Variants in RPP30 observed in about 807,000 individuals in gnomAD.
RPP30 encodes ribonuclease P protein subunit p30.
RPP30 carries 36 observed loss-of-function variants against 38.6 expected under a neutral mutation model. That is an observed-to-expected ratio of 0.93 (90% CI 0.71 to 1.23). The LOEUF is 1.23. Among genes scored for constraint, RPP30 ranks in the 50% most tolerant of loss-of-function variants. The pLI is 0.00. For synonymous variants in RPP30, 126 were observed against 112.7 expected (o/e 1.12, Z -0.75); for missense variants, 321 against 321.7 (o/e 1.00, Z 0.02).
At chr10:90,883,621 G>A (rs1846960817) in intron 5 of RPP30, among the ~76,000 whole-genome samples, 1 of 152,128 alleles carries the variant, frequency 6.6e-6, no homozygotes, top group South Asian at 2.1e-4. Flanking sequence ...GTATTTGCAC[G>A]TACTTAAACC....
At position 90,901,313 on chromosome 10, in the gene RPP30, G is replaced by A. The variant is rs1232393418; in HGVS notation, c.*634G>A. On this transcript the variant is annotated 3_prime_UTR_variant, in exon 11 of 11. Transcript: ENST00000371703. The stretch of plus-strand genomic sequence containing the variant: ...TTTGAATATTTTAAGAGCTTCTTTC[G>A]AAAGTTTCTTGTTCATACTCAAATA... 1.0e-5 allele frequency: 10 copies of A among 984,904 alleles called. No individual in the cohort carries two copies. The highest frequency in any genetic ancestry group is 4.7e-5 in the South Asian group (1 of 21,268). The allele number at this position is 984,904 out of a possible 1,614,324, so 61.0% of individuals were successfully genotyped here. A position where few individuals can be genotyped will look rare whatever the true frequency, so the allele number is the denominator to read the frequency against.
chr10:90,905,703 T>G (rs1847247093), downstream of RPP30: 2 of 152,158 alleles, frequency 1.3e-5, no homozygotes, highest in South Asian at 4.1e-4. Context: ...CACAAATATA[T>G]CTGGCTGATC....
chr10:90,875,804 C>T (rs997802892), intron 3 of RPP30, among the ~76,000 whole-genome samples, 190 bp downstream of exon 3: 1 of 152,126 alleles, frequency 6.6e-6, no homozygotes, highest in African/African-American at 2.4e-5. Flanking sequence ...ATCTTCTTTC[C>T]TGAAGTCCTA....
At chr10:90,888,919 T>C (rs769081485) in intron 6 of RPP30, among the ~76,000 whole-genome samples, 1 of 152,154 alleles carries the variant, frequency 6.6e-6, no homozygotes, top group Non-Finnish European at 1.5e-5. Context: ...AACTAGATGA[T>C]GGAGTGGAAA....
intron 4 of RPP30, among the ~76,000 whole-genome samples, chr10:90,877,406 G>A (rs1846866904): frequency 6.6e-6 from 1 of 152,150 alleles, no homozygotes; most frequent in Non-Finnish European, 1.5e-5. Flanking sequence ...GGGAATGGAT[G>A]AGACTCCCTG....
At chr10:90,873,928 A>G (rs1243116459) in intron 1 of RPP30, among the ~76,000 whole-genome samples, 2 of 152,182 alleles carry the variant, frequency 1.3e-5, no homozygotes, top group Non-Finnish European at 2.9e-5. Flanking sequence ...ACATGTATTT[A>G]TATACAATGA....
downstream of RPP30, among the ~76,000 whole-genome samples, chr10:90,907,465 C>G (rs768123961): frequency 2.0e-5 from 3 of 152,184 alleles, no homozygotes; most frequent in African/African-American, 2.4e-5. Flanking sequence ...TCTCACAACT[C>G]TATATGTGTC....
At position 90,901,557 on chromosome 10, in the gene RPP30, T is replaced by A; in HGVS notation, c.*878T>A. The A allele has an allele frequency of 3.0e-6, 3 of 985,316 alleles. No individual in the cohort carries two copies. Among genetic ancestry groups the A allele is most frequent in the South Asian group, 9.4e-5 (2 of 21,286 alleles). 61.0% of individuals were successfully genotyped at this position (985,316 alleles called of 1,614,324 possible). On this transcript the variant is annotated 3_prime_UTR_variant, in exon 11 of 11. Coordinates refer to ENST00000371703, the MANE Select transcript of RPP30 (RefSeq NM_006413.5). ...TTGAAATAGGATTCCTTACTTTTAG[T>A]TAGAAACCCCTAAAACGCTAATATT...
Position 90,900,561 on chromosome 10 carries a change from GT to G in RPP30, c.698-5del. 6.2e-7 allele frequency: 1 copy of G among 1,608,098 alleles called. No individual in the cohort carries two copies. Among genetic ancestry groups the G allele is most frequent in the East Asian group, 2.2e-5 (1 of 44,756 alleles). ...TTCAAGCACAGTGGTTTCCCTGTTT[GT>G]TTTACAGAAACTAGAAAAACTGCTT... is the stretch of plus-strand genomic sequence containing the variant. On this transcript the variant is annotated splice_polypyrimidine_tract_variant and splice_region_variant and intron_variant, in intron 10 of 10. Coordinates refer to ENST00000371703, the MANE Select transcript of RPP30 (RefSeq NM_006413.5).
At chr10:90,905,274 C>G (rs1320736245), downstream of RPP30, 1 of 152,172 alleles carries the variant, frequency 6.6e-6, no homozygotes, top group Non-Finnish European at 1.5e-5. Context: ...ATGTTGGGTA[C>G]TAATGACTTA....
At position 90,879,147 on chromosome 10, in the gene RPP30, T is replaced by G. The variant is rs113145555; in HGVS notation, c.342+13T>G. 4,190 of 1,602,796 alleles carry G rather than the reference T, an allele frequency of 2.6e-3. 105 individuals are homozygous for G. The African/African-American group carries it at 0.048, about 18-fold the overall frequency. The stretch of plus-strand genomic sequence containing the variant: ...AAAGCTTTTTCATGTGAGTAACAGA[T>G]AAGTAAAAGAAAGTAGTGTATATAT... On this transcript the variant is annotated intron_variant, in intron 5 of 10. Coordinates refer to ENST00000371703, the MANE Select transcript of RPP30 (RefSeq NM_006413.5).
intron 5 of RPP30, among the ~76,000 whole-genome samples, chr10:90,882,201 T>G (rs1846938169): frequency 6.6e-6 from 1 of 152,178 alleles, no homozygotes; most frequent in South Asian, 2.1e-4. Flanking sequence ...TGAGGAGAAT[T>G]CAGGTTATTT....
chr10:90,894,648 A>G, intron 6 of RPP30, 127 bp from the exon 7 acceptor site: 1 of 716,004 alleles, frequency 1.4e-6, no homozygotes, highest in Non-Finnish European at 2.5e-6. Flanking sequence ...TGTCTTTCAT[A>G]AAGCTGTACC....
intron 5 of RPP30, among the ~76,000 whole-genome samples, chr10:90,883,014 G>A (rs1846951667): frequency 6.6e-6 from 1 of 152,060 alleles, no homozygotes; most frequent in Non-Finnish European, 1.5e-5. Context: ...ATCAATGGAG[G>A]TAGGGCCTGG....
At chr10:90,907,901 G>A (rs546734650), downstream of RPP30, among the ~76,000 whole-genome samples, 13 of 152,110 alleles carry the variant, frequency 8.5e-5, no homozygotes, top group Admixed American at 3.3e-4. Flanking sequence ...ATCATTAGGC[G>A]GTTTTGTTGT....
Position 90,900,769 on chromosome 10 carries a change from G to C in RPP30, c.*90G>C. ...AAATAAAACCTTTGTGTGATTTACT[G>C]TTTTCATTTGGAGCTAGAAATCAAT... On this transcript the variant is annotated 3_prime_UTR_variant, in exon 11 of 11. Transcript: ENST00000371703. 3 of 1,478,658 alleles carry C rather than the reference G, an allele frequency of 2.0e-6. No homozygotes were observed. The highest frequency in any genetic ancestry group is 2.7e-6 in the Non-Finnish European group (3 of 1,116,104). The allele number at this position is 1,478,658 out of a possible 1,614,324, so 91.6% of individuals were successfully genotyped here.
chr10:90,872,728 G>GT (rs1846798544), intron 1 of RPP30, among the ~76,000 whole-genome samples: 1 of 152,180 alleles, frequency 6.6e-6, no homozygotes, highest in Non-Finnish European at 1.5e-5. Context: ...AGAGGTTCGT[G>GT]TAGTAACATC....
Position 90,901,115 on chromosome 10 carries a change from C to A in RPP30, c.*436C>A. ...TCAGCCTCTCAAGCAGCGGGAACTA[C>A]AGGTGTGCACTACCACACCTGGCTA... is the stretch of plus-strand genomic sequence containing the variant. On this transcript the variant is annotated 3_prime_UTR_variant, in exon 11 of 11. Transcript: ENST00000371703. 2 of 272,822 alleles carry A rather than the reference C, an allele frequency of 7.3e-6. No homozygotes were observed. The highest frequency in any genetic ancestry group is 1.1e-5 in the Non-Finnish European group (2 of 179,400). The allele number at this position is 272,822 out of a possible 1,614,324, so 16.9% of individuals were successfully genotyped here.
At chr10:90,904,335 G>A (rs1171340576), downstream of RPP30, among the ~76,000 whole-genome samples, 1 of 152,244 alleles carries the variant, frequency 6.6e-6, no homozygotes, top group Non-Finnish European at 1.5e-5. Context: ...GTGCATAGGG[G>A]AAAGAAAAAC....
Sources: allele counts gnomAD v4.1 joint callset (sites outside exome capture counted in the v4.1 genomes callset), GRCh38; gene constraint gnomAD v4.1.1; transcripts MANE v1.5; gene names NCBI Gene and HGNC (gene_info 2026-07-23, HGNC 2026-07-21).